Variants in ADSL observed in about 807,000 individuals in gnomAD.
ADSL encodes adenylosuccinate lyase.
Under a neutral mutation model 62.1 loss-of-function variants are expected in ADSL, and 44 were observed. The ratio of observed to expected loss-of-function variants is 0.71; its 90% CI spans 0.56 to 0.91. The LOEUF (loss-of-function observed/expected upper bound fraction) is 0.91, where lower values mean the gene tolerates loss of function less well. Among genes scored for constraint, ADSL ranks in the 40% least tolerant of loss-of-function variants. ADSL has a pLI of 0.00. For missense variants in ADSL, 531 were observed against 627.4 expected, an observed-to-expected ratio of 0.85 and a Z score of 1.64; for synonymous variants, 198 against 220.5, an observed-to-expected ratio of 0.90 and a Z score of 0.90.
chr22:40,357,355 G>C (rs1432151024), intron 4 of ADSL, among the ~76,000 whole-genome samples: 1 of 149,446 alleles, frequency 6.7e-6, no homozygotes, highest in African/African-American at 2.5e-5. Context: ...CTGGGTTCAA[G>C]TGATTCTCCT....
intron 9 of ADSL, 120 bp from the exon 10 acceptor site, chr22:40,362,861 C>T: frequency 2.0e-6 from 2 of 980,060 alleles, no homozygotes; most frequent in East Asian, 2.4e-5. Context: ...TTGGGGTAAT[C>T]ATAAGATTGA....
chr22:40,355,780 T>C (rs2044529775), intron 4 of ADSL, among the ~76,000 whole-genome samples: 1 of 152,298 alleles, frequency 6.6e-6, no homozygotes, highest in Admixed American at 6.5e-5. Flanking sequence ...CTATAGCTTG[T>C]GATGTGCCTC....
chr22:40,369,844 C>G (rs2045148304), downstream of ADSL, among the ~76,000 whole-genome samples: 1 of 152,144 alleles, frequency 6.6e-6, no homozygotes, highest in Non-Finnish European at 1.5e-5. Context: ...AGTCAGACAC[C>G]TGGACACTTA....
intron 4 of ADSL, among the ~76,000 whole-genome samples, chr22:40,355,812 C>G (rs953018225): frequency 2.0e-5 from 3 of 152,104 alleles, no homozygotes; most frequent in Non-Finnish European, 4.4e-5. Flanking sequence ...CCTAGTGTTA[C>G]GCCTTGATGT....
At chr22:40,346,757 G>T (rs1468462029) in intron 1 of ADSL, 46 bp downstream of exon 1, 3 of 1,549,808 alleles carry the variant, frequency 1.9e-6, no homozygotes, top group Non-Finnish European at 2.6e-6. Context: ...GGACGGGCCC[G>T]CCCCAGCACG....
intron 2 of ADSL, among the ~76,000 whole-genome samples, chr22:40,386,912 T>C (rs1467939449): frequency 6.6e-6 from 1 of 152,166 alleles, no homozygotes; most frequent in Non-Finnish European, 1.5e-5. Context: ...AATTTATCTG[T>C]TTAATTTTGA....
intron 3 of ADSL, 86 bp from the exon 4 acceptor site, chr22:40,354,162 C>A: frequency 8.4e-7 from 1 of 1,187,020 alleles, no homozygotes; most frequent in Non-Finnish European, 1.3e-6. Flanking sequence ...TAATTTTATA[C>A]AAAATTATCT....
Position 40,367,584 on chromosome 22 carries a change from C to T in ADSL, c.*1062C>T, listed in dbSNP as rs747343285. ...GGCAGTCTTCCAGCTTCTGCCACTG[C>T]GCCCGACTTCCTTGTTGCATGGATT... On this transcript the variant is annotated 3_prime_UTR_variant, in exon 13 of 13. Transcript: ENST00000623063. The T allele has an allele frequency of 3.6e-5, 6 of 167,416 alleles. No individual in the cohort carries two copies. Among genetic ancestry groups the T allele is most frequent in the African/African-American group, 4.8e-5 (2 of 41,398 alleles). The allele number at this position is 167,416 out of a possible 1,614,324, so 10.4% of individuals were successfully genotyped here.
At chr22:40,347,689 A>G (rs948371556) in intron 1 of ADSL, among the ~76,000 whole-genome samples, 1 of 152,204 alleles carries the variant, frequency 6.6e-6, no homozygotes, top group African/African-American at 2.4e-5. Context: ...CAATAATAGC[A>G]GACATTCAGA....
chr22:40,361,664 C>T, intron 9 of ADSL, 29 bp downstream of exon 9: 1 of 1,609,500 alleles, frequency 6.2e-7, no homozygotes, highest in Non-Finnish European at 8.5e-7. Context: ...TCACATACAC[C>T]AAGTTGAGTG....
chr22:40,386,139 C>G (rs1481502233), intron 2 of ADSL, among the ~76,000 whole-genome samples: 1 of 152,108 alleles, frequency 6.6e-6, no homozygotes, highest in Non-Finnish European at 1.5e-5. Context: ...CTTGGCCTCC[C>G]AGAGTGCTGG....
At chr22:40,354,698 C>T (rs2044481877) in intron 4 of ADSL, among the ~76,000 whole-genome samples, 1 of 152,010 alleles carries the variant, frequency 6.6e-6, no homozygotes, top group South Asian at 2.1e-4. Flanking sequence ...TGGTGAAACG[C>T]TGTCTCTACT....
rs768340455 is a variant in ADSL at position 40,346,586 on chromosome 22, C to G, written c.28C>G (p.Pro10Ala). 1 of 1,606,252 alleles carries G rather than the reference C, an allele frequency of 6.2e-7. No homozygotes were observed. Among genetic ancestry groups the G allele is most frequent in the Admixed American group, 1.7e-5 (1 of 59,078 alleles). Residue 10 changes from proline to alanine, a missense_variant, in exon 1 of 13, where the codon CCC (proline) becomes GCC (alanine). Physicochemically the swap from Pro to Ala is conservative, Grantham distance 27. Transcript: ENST00000623063. ...GGCGGCTGGAGGCGATCATGGTTCG[C>G]CCGACAGCTACCGCTCACCTCTTGC... MAAGGDHGS[P>A]DSYRSPLASR...
chr22:40,361,148 C>T (rs938630053), intron 7 of ADSL, 125 bp from the exon 8 acceptor site: 34 of 887,086 alleles, frequency 3.8e-5, no homozygotes, highest in African/African-American at 1.8e-4. Flanking sequence ...TGGGAGGATG[C>T]GCTGGTCTTC....
chr22:40,377,457 ATAACT>A (rs1442134851), intron 2 of ADSL, among the ~76,000 whole-genome samples: 4 of 152,134 alleles, frequency 2.6e-5, no homozygotes, highest in Non-Finnish European at 5.9e-5. Context: ...CCTGTCTTTC[ATAACT>A]TAAGTTACCC....
Position 40,360,616 on chromosome 22 carries a change from T to C in ADSL, c.792+124T>C, listed in dbSNP as rs2044746769. On this transcript the variant is annotated intron_variant, in intron 7 of 12. Transcript: ENST00000623063. ...ATATTTTACATTAGTTTTAATAATT[T>C]GTGGTCTGTAAATGAAACCCTTAAG... is the stretch of plus-strand genomic sequence containing the variant. 1.6e-5 allele frequency: 12 copies of C among 727,940 alleles called. No individual in the cohort carries two copies. The South Asian group carries it at 2.2e-4, about 13-fold the overall frequency. The allele number at this position is 727,940 out of a possible 1,614,324, so 45.1% of individuals were successfully genotyped here.
downstream of ADSL, among the ~76,000 whole-genome samples, chr22:40,371,498 CA>C (rs1391694692): frequency 3.3e-5 from 5 of 152,144 alleles, no homozygotes; most frequent in African/African-American, 7.2e-5. Context: ...CTCTGATTCA[CA>C]AAAACTCATT....
chr22:40,348,300 A>G (rs1236893452), intron 1 of ADSL: 2 of 397,244 alleles, frequency 5.0e-6, no homozygotes, highest in Non-Finnish European at 8.9e-6. Flanking sequence ...GTGACTGTAA[A>G]GGTTCCAGGC....
chr22:40,376,932 T>G (rs1425367449), intron 2 of ADSL, among the ~76,000 whole-genome samples: 1 of 152,208 alleles, frequency 6.6e-6, no homozygotes, highest in Non-Finnish European at 1.5e-5. Context: ...TTTTCTTTGA[T>G]TGTCATAGGA....
Sources: gnomAD v4.1 joint callset for allele counts (sites outside exome capture counted in the v4.1 genomes callset) on GRCh38, gnomAD v4.1.1 for gene constraint, MANE v1.5 for transcripts, NCBI Gene and HGNC (gene_info 2026-07-23, HGNC 2026-07-21) for gene names.